Variants in LRP11 observed in about 807,000 individuals in gnomAD.
LRP11 encodes LDL receptor related protein 11.
A neutral mutation model predicts 43.1 loss-of-function variants in LRP11; 25 were observed. The ratio of observed to expected loss-of-function variants is 0.58; its 90% CI spans 0.42 to 0.81. LRP11 has a LOEUF of 0.81. LRP11 is among the 30% of genes least tolerant of loss of function. The probability of loss-of-function intolerance (pLI) is 0.00; values close to 1 mark genes in which losing one functional copy is unlikely to be tolerated. For synonymous variants in LRP11, 316 were observed against 299.4 expected (o/e 1.06, Z -0.57); for missense variants, 623 against 665.1 (o/e 0.94, Z 0.70).
intron 3 of LRP11, among the ~76,000 whole-genome samples, chr6:149,838,578 G>A (rs1033149700): frequency 2.0e-5 from 3 of 151,832 alleles, no homozygotes; most frequent in South Asian, 2.1e-4. Flanking sequence ...CCAGGTACTC[G>A]GGAGGCTGAG....
chr6:149,836,515 A>G (rs997800033), intron 4 of LRP11, among the ~76,000 whole-genome samples: 2 of 152,204 alleles, frequency 1.3e-5, no homozygotes, highest in African/African-American at 4.8e-5. Context: ...AATGTTACAC[A>G]TAAAGAAATG....
intron 1 of LRP11, 29 bp downstream of exon 1, chr6:149,863,379 C>A: frequency 7.5e-7 from 1 of 1,328,678 alleles, no homozygotes; most frequent in Non-Finnish European, 9.6e-7. Flanking sequence ...GCGCTCTGGC[C>A]AAGGCCGGCC....
intron 2 of LRP11, among the ~76,000 whole-genome samples, chr6:149,848,540 T>C (rs1371928984): frequency 6.6e-6 from 1 of 152,190 alleles, no homozygotes; most frequent in East Asian, 1.9e-4. Flanking sequence ...CATGGAATAC[T>C]ATGCAGCCAT....
intron 1 of LRP11, among the ~76,000 whole-genome samples, chr6:149,858,043 CTTT>C (rs202235298): frequency 0.011 from 1,634 of 152,238 alleles, 28 homozygotes; most frequent in African/African-American, 0.038. Context: ...TCAGATACTT[CTTT>C]TTAATTATTT....
At position 149,823,366 on chromosome 6, in the gene LRP11, A is replaced by G. The variant is rs185908608; in HGVS notation, c.1349-2663T>C. Among the ~76,000 whole-genome samples the G allele has an allele frequency of 2.0e-5, 3 of 152,320 alleles. No homozygotes were observed. In the East Asian group the frequency reaches 5.8e-4, roughly 29 times the overall value. On this transcript the variant is annotated intron_variant, in intron 6 of 6. Transcript: ENST00000239367. ...GAGCCAGTAAAGAAACAGAGATGAA[A>G]AACACGGGAGAGCTAGGAGATGATG...
chr6:149,860,632 C>T (rs977572967), intron 1 of LRP11, among the ~76,000 whole-genome samples: 13 of 152,266 alleles, frequency 8.5e-5, no homozygotes, highest in Middle Eastern at 3.4e-3. Flanking sequence ...TTTGTGGAGA[C>T]GCCAGGCCCC....
At chr6:149,842,839 G>T in intron 3 of LRP11, 144 bp downstream of exon 3, 2 of 1,203,204 alleles carry the variant, frequency 1.7e-6, no homozygotes, top group East Asian at 2.5e-5. Context: ...TTTTGTTATT[G>T]TGTTTTTAGC....
intron 1 of LRP11, among the ~76,000 whole-genome samples, chr6:149,862,601 T>C (rs9478192): frequency 0.44 from 61,101 of 138,598 alleles, 14,101 homozygotes; most frequent in East Asian, 0.88. Context: ...TTTTTTAAGA[T>C]GGAGTTTCGC....
intron 5 of LRP11, among the ~76,000 whole-genome samples, chr6:149,832,620 CT>C (rs10712132): frequency 0.89 from 86,080 of 96,356 alleles, 38,139 homozygotes; most frequent in East Asian, 0.95. Context: ...CAACAATGTA[CT>C]TTTTTTTTTT....
chr6:149,861,643 A>T (rs1776898662), intron 1 of LRP11, among the ~76,000 whole-genome samples: 2 of 152,070 alleles, frequency 1.3e-5, no homozygotes. Flanking sequence ...CCGCCCGAGG[A>T]GCTGGGATCA....
chr6:149,830,494 T>C (rs1776395547), intron 5 of LRP11, among the ~76,000 whole-genome samples: 1 of 152,196 alleles, frequency 6.6e-6, no homozygotes, highest in South Asian at 2.1e-4. Flanking sequence ...ACCAAGTCAA[T>C]ACTATATTTA....
At chr6:149,844,739 A>G (rs1429441576) in intron 2 of LRP11, among the ~76,000 whole-genome samples, 10 of 152,260 alleles carry the variant, frequency 6.6e-5, no homozygotes, top group Admixed American at 6.5e-5. Context: ...TTGTACTATT[A>G]TAAGAACCAT....
chr6:149,859,377 C>T (rs532180684), intron 1 of LRP11, among the ~76,000 whole-genome samples: 5 of 51,620 alleles, frequency 9.7e-5, no homozygotes, highest in Admixed American at 8.0e-4. Flanking sequence ...CTTGCTGACT[C>T]ATATATATAT....
At chr6:149,837,845 T>A (rs1488858684) in intron 3 of LRP11, among the ~76,000 whole-genome samples, 1 of 152,220 alleles carries the variant, frequency 6.6e-6, no homozygotes. Context: ...TCGATTGCTC[T>A]GCAGGAGGGC....
At chr6:149,862,577 C>CTTTTTTTTTTTTTTT (rs10553273) in intron 1 of LRP11, among the ~76,000 whole-genome samples, 30 of 126,196 alleles carry the variant, frequency 2.4e-4, no homozygotes, top group African/African-American at 8.8e-4. Context: ...TTTTCTTTTC[C>CTTTTTTTTTTTTTTT]TTTTTTTTTT....
chr6:149,829,581 T>TAAAATA, intron 5 of LRP11, among the ~76,000 whole-genome samples: 1 of 150,300 alleles, frequency 6.7e-6, no homozygotes, highest in Non-Finnish European at 1.5e-5. Flanking sequence ...TAAAATAAAA[T>TAAAATA]AAAATAAAAA....
At chr6:149,852,298 T>C (rs1282179674) in intron 2 of LRP11, among the ~76,000 whole-genome samples, 1 of 152,208 alleles carries the variant, frequency 6.6e-6, no homozygotes, top group Non-Finnish European at 1.5e-5. Flanking sequence ...CTCCACTTCC[T>C]CTAACTGAAG....
At chr6:149,835,640 C>T (rs1352419621) in intron 5 of LRP11, among the ~76,000 whole-genome samples, 1 of 152,042 alleles carries the variant, frequency 6.6e-6, no homozygotes, top group Non-Finnish European at 1.5e-5. Context: ...ATTAGCCTTA[C>T]TTTTTTTAGT....
In LRP11 at chr6:149,837,443, G is replaced by A. The variant is rs766128487; in HGVS notation, c.934C>T (p.Arg312Cys). The change falls in exon 4 of 7, where the codon CGC becomes TGC. Residue 312 changes from arginine to cysteine, a missense_variant. Physicochemically the swap from Arg to Cys is radical, Grantham distance 180 (BLOSUM62 -3). Transcript: ENST00000239367. ...STGGCLHTCS[R>C]YHFFCDDGCC... Reference sequence around the variant, plus strand: ...CCATCGTCACAGAAGAAGTGGTAGCGTGAGCAAGTGTGCAAACATCCTATT... The same window carrying A: ...CCATCGTCACAGAAGAAGTGGTAGCATGAGCAAGTGTGCAAACATCCTATT... 15 of 1,613,900 alleles carry A rather than the reference G, an allele frequency of 9.3e-6. No individual in the cohort carries two copies. Among genetic ancestry groups the A allele is most frequent in the East Asian group, 4.5e-5 (2 of 44,896 alleles).
Sources: gnomAD v4.1 joint callset for allele counts (sites outside exome capture counted in the v4.1 genomes callset) on GRCh38, gnomAD v4.1.1 for gene constraint, MANE v1.5 for transcripts, NCBI Gene and HGNC (gene_info 2026-07-23, HGNC 2026-07-21) for gene names.